Variants in CTTNBP2 observed in about 807,000 individuals in gnomAD.
CTTNBP2 encodes the protein cortactin-binding protein 2.
Under a neutral mutation model 156.9 loss-of-function variants are expected in CTTNBP2, and 108 were observed. The observed-to-expected ratio is 0.69, with a 90% CI of 0.59 to 0.81. The LOEUF is 0.81. Among genes scored for constraint, CTTNBP2 ranks in the 30% least tolerant of loss-of-function variants. CTTNBP2 has a pLI of 0.00. For missense variants in CTTNBP2, 1,924 were observed against 2,035.4 expected, an observed-to-expected ratio of 0.95 and a Z score of 1.05; for synonymous variants, 767 against 751.8, an observed-to-expected ratio of 1.02 and a Z score of -0.33.
chr7:117,845,402 A>T (rs1440882809), intron 2 of CTTNBP2, among the ~76,000 whole-genome samples: 1 of 152,180 alleles, frequency 6.6e-6, no homozygotes, highest in Non-Finnish European at 1.5e-5. Context: ...GATCTGTATT[A>T]TATGTGTTCA....
intron 3 of CTTNBP2, among the ~76,000 whole-genome samples, chr7:117,794,001 C>T (rs1799177927): frequency 6.6e-6 from 1 of 152,208 alleles, no homozygotes; most frequent in African/African-American, 2.4e-5. Flanking sequence ...TACCTGCCTG[C>T]ACCCCCCCTC....
intron 12 of CTTNBP2, among the ~76,000 whole-genome samples, chr7:117,746,499 T>C (rs1200319927): frequency 6.6e-6 from 1 of 152,228 alleles, no homozygotes; most frequent in African/African-American, 2.4e-5. Context: ...AAAACAGTAA[T>C]GCATTTCATT....
intron 1 of CTTNBP2, among the ~76,000 whole-genome samples, chr7:117,864,482 T>C (rs1396957193): frequency 6.6e-6 from 1 of 151,736 alleles, no homozygotes; most frequent in Non-Finnish European, 1.5e-5. Flanking sequence ...AATTCTATTC[T>C]GGCAAAACAG....
In CTTNBP2 at chr7:117,782,909, T is replaced by G; in HGVS notation, c.2325A>C (p.Lys775Asn). The G allele has an allele frequency of 6.2e-7, 1 of 1,614,160 alleles. No homozygotes were observed. Among genetic ancestry groups the G allele is most frequent in the Non-Finnish European group, 8.5e-7 (1 of 1,179,998 alleles). The change falls in exon 6 of 23, where the codon AAA (lysine) becomes AAC (asparagine). Residue 775 changes from lysine (K) to asparagine (N), a missense_variant. Lys to Asn is a moderately conservative substitution (Grantham distance 94, BLOSUM62 0). Coordinates refer to ENST00000160373, the MANE Select transcript of CTTNBP2 (RefSeq NM_033427.3). ...SAEAQVNAADKNGFTPLCAAA... is the reference protein window; with the variant it reads ...SAEAQVNAADNNGFTPLCAAA... ...CAGCACACAAGGGTGTGAAGCCATT[T>G]TTATCAGCAGCATTGACTTGGGCTT... is the stretch of plus-strand genomic sequence containing the variant.
intron 12 of CTTNBP2, among the ~76,000 whole-genome samples, chr7:117,754,971 G>A (rs577868407): frequency 2.7e-4 from 41 of 152,300 alleles, no homozygotes; most frequent in Admixed American, 3.9e-4. Context: ...TGCCTTGTAC[G>A]GAGAAGCTGA....
rs796923048 is a variant in CTTNBP2, at chr7:117,717,321, A to AT, written c.4746+696dup. Among the ~76,000 whole-genome samples the AT allele has an allele frequency of 5.4e-3, 789 of 146,266 alleles. 8 individuals are homozygous for AT. Among genetic ancestry groups the AT allele is most frequent in the Middle Eastern group, 0.014 (4 of 280 alleles). The stretch of plus-strand genomic sequence containing the variant: ...AAAGTCAGGATGAAATAAAATTGAG[A>AT]TTTTTTTTTTTTGCAATGTATAAGA... On this transcript the variant is annotated intron_variant, in intron 22 of 22. Coordinates refer to ENST00000160373, the MANE Select transcript of CTTNBP2 (RefSeq NM_033427.3).
chr7:117,768,968 T>A (rs756578021), intron 8 of CTTNBP2, among the ~76,000 whole-genome samples: 1 of 152,208 alleles, frequency 6.6e-6, no homozygotes, highest in Non-Finnish European at 1.5e-5. Context: ...TACTTATCCA[T>A]TCTCTTGTTG....
chr7:117,800,788 T>C (rs1434263199), intron 3 of CTTNBP2, among the ~76,000 whole-genome samples: 1 of 152,126 alleles, frequency 6.6e-6, no homozygotes, highest in Non-Finnish European at 1.5e-5. Context: ...AGACAAGATA[T>C]ATAGCTATGT....
chr7:117,764,595 G>T (rs1186352786), intron 9 of CTTNBP2, among the ~76,000 whole-genome samples: 1 of 152,094 alleles, frequency 6.6e-6, no homozygotes, highest in Non-Finnish European at 1.5e-5. Context: ...TATATTATGT[G>T]TCCTTCTATA....
At chr7:117,782,804 C>T in intron 6 of CTTNBP2, 58 bp downstream of exon 6, 1 of 1,230,314 alleles carries the variant, frequency 8.1e-7, no homozygotes, top group Non-Finnish European at 1.2e-6. Context: ...AATACGTGTG[C>T]AAATTATAAA....
rs1428488702 is a variant in CTTNBP2, at chr7:117,711,565, T to G, written c.4964A>C (p.Asn1655Thr). The G allele has an allele frequency of 1.2e-6, 2 of 1,613,466 alleles. No individual in the cohort carries two copies. The highest frequency in any genetic ancestry group is 1.7e-6 in the Non-Finnish European group (2 of 1,179,832). ...SKEVNWNLHK[N>T]EHLEKPNK ...TTTGTTAGGTTTTTCTAGGTGTTCA[T>G]TTTTGTGTAAGTTCCAATTCACTTC... Residue 1655 changes from asparagine (N) to threonine (T), a missense_variant, in exon 23 of 23, where the codon AAT (asparagine) becomes ACT (threonine). Asn to Thr is a moderately conservative substitution (Grantham distance 65). Coordinates refer to ENST00000160373, the MANE Select transcript of CTTNBP2 (RefSeq NM_033427.3).
At chr7:117,734,813 C>A in intron 16 of CTTNBP2, 100 bp downstream of exon 16, 2 of 889,792 alleles carry the variant, frequency 2.2e-6, no homozygotes, top group Non-Finnish European at 3.3e-6. Flanking sequence ...TGTACCTGCC[C>A]AAGGCTGCAT....
intron 4 of CTTNBP2, among the ~76,000 whole-genome samples, chr7:117,787,271 A>T (rs1397616491): frequency 2.0e-5 from 3 of 152,238 alleles, no homozygotes; most frequent in African/African-American, 7.2e-5. Flanking sequence ...AAGGTCAATC[A>T]GTTTTGCAGT....
At chr7:117,800,995 A>G (rs528098419) in intron 3 of CTTNBP2, among the ~76,000 whole-genome samples, 34 of 152,222 alleles carry the variant, frequency 2.2e-4, no homozygotes, top group Non-Finnish European at 7.4e-5. Flanking sequence ...ATATAGAAGA[A>G]GCCAGCTTAA....
chr7:117,778,621 T>C (rs1798239148), intron 7 of CTTNBP2, among the ~76,000 whole-genome samples: 1 of 152,164 alleles, frequency 6.6e-6, no homozygotes, highest in Non-Finnish European at 1.5e-5. Context: ...GCTACCAATC[T>C]GACTTAACGA....
intron 1 of CTTNBP2, among the ~76,000 whole-genome samples, chr7:117,865,124 A>T (rs1480418475): frequency 2.0e-5 from 3 of 151,706 alleles, no homozygotes; most frequent in Non-Finnish European, 4.4e-5. Flanking sequence ...GATTGCCTTG[A>T]TAATCTAATT....
At position 117,769,579 on chromosome 7, in the gene CTTNBP2, G is replaced by A. The variant is rs530449828; in HGVS notation, c.2779-2403C>T. Among the ~76,000 whole-genome samples, 6 of 152,310 alleles carry A rather than the reference G, an allele frequency of 3.9e-5. No individual in the cohort carries two copies. The East Asian group carries it at 1.2e-3, about 29-fold the overall frequency. On this transcript the variant is annotated intron_variant, in intron 8 of 22. Coordinates refer to ENST00000160373, the MANE Select transcript of CTTNBP2 (RefSeq NM_033427.3). Reference sequence around the variant, plus strand: ...AAGTCTGGAAGTCTGGCTTTCATTGGTCTACAGTTCAGATTTAAGAAATTG... The same window carrying A: ...AAGTCTGGAAGTCTGGCTTTCATTGATCTACAGTTCAGATTTAAGAAATTG...
At position 117,799,836 on chromosome 7, in the gene CTTNBP2, T is replaced by C. The variant is rs547716517; in HGVS notation, c.415-7055A>G. 3.1e-4 allele frequency among the ~76,000 whole-genome samples: 47 copies of C among 152,188 alleles called. 1 individual carries two copies. The highest frequency in any genetic ancestry group is 9.2e-4 in the Admixed American group (14 of 15,278). On this transcript the variant is annotated intron_variant, in intron 3 of 22. Transcript: ENST00000160373. ...AAGATTACAGAATACAATGTGAACA[T>C]ACAAAGTCAATTGAATACCTGCACA...
intron 12 of CTTNBP2, among the ~76,000 whole-genome samples, chr7:117,750,493 A>G (rs1483674381): frequency 6.6e-6 from 1 of 152,216 alleles, no homozygotes; most frequent in East Asian, 1.9e-4. Flanking sequence ...ATACTTCCAC[A>G]TCATTCATAC....
Sources: gnomAD v4.1 joint callset for allele counts (sites outside exome capture counted in the v4.1 genomes callset) on GRCh38, gnomAD v4.1.1 for gene constraint, MANE v1.5 for transcripts, NCBI Gene and HGNC (gene_info 2026-07-23, HGNC 2026-07-21) for gene names.